MYH9: variants seen among roughly 807,000 people sequenced by gnomAD.
MYH9 encodes myosin heavy chain 9.
In MYH9, 29 loss-of-function variants were observed where a neutral mutation model predicts 241.9. That is an observed-to-expected ratio of 0.12 (90% CI 0.09 to 0.16). MYH9 has a LOEUF of 0.16. MYH9 is among the 10% of genes least tolerant of loss of function. The pLI is 1.00. For synonymous variants in MYH9, 1,047 were observed against 1,062.6 expected (o/e 0.99, Z 0.29); for missense variants, 1,803 against 2,595.5 (o/e 0.69, Z 6.63).
intron 31 of MYH9, among the ~76,000 whole-genome samples, chr22:36,291,396 C>T (rs28612394): frequency 1.8e-4 from 27 of 152,194 alleles, no homozygotes; most frequent in African/African-American, 6.3e-4. Flanking sequence ...CCTGTGCTCT[C>T]TGAAACATGT....
chr22:36,331,017 A>G (rs1008543329), intron 3 of MYH9, among the ~76,000 whole-genome samples: 2 of 152,006 alleles, frequency 1.3e-5, no homozygotes, highest in Admixed American at 6.6e-5. Context: ...AATCTTCCCA[A>G]ATTCCTGAGC....
intron 3 of MYH9, among the ~76,000 whole-genome samples, chr22:36,328,247 A>G (rs780212664): frequency 4.6e-5 from 7 of 152,216 alleles, no homozygotes; most frequent in Non-Finnish European, 8.8e-5. Flanking sequence ...CAACAGCTCT[A>G]TGAACTGCTC....
chr22:36,344,570 T>A (rs562700367), intron 2 of MYH9, among the ~76,000 whole-genome samples: 25 of 152,300 alleles, frequency 1.6e-4, no homozygotes, highest in Non-Finnish European at 3.4e-4. Context: ...AATGGGCCTC[T>A]TAGTGATGAT....
At chr22:36,342,139 C>T (rs778598203) in intron 2 of MYH9, among the ~76,000 whole-genome samples, 1 of 152,222 alleles carries the variant, frequency 6.6e-6, no homozygotes, top group Non-Finnish European at 1.5e-5. Flanking sequence ...TTTCACGTCC[C>T]CCGTGAGCCT....
chr22:36,358,158 C>A (rs136205), intron 1 of MYH9, among the ~76,000 whole-genome samples: 20 of 151,992 alleles, frequency 1.3e-4, no homozygotes, highest in Non-Finnish European at 2.6e-4. Context: ...TCCACCTCCC[C>A]GGTTCAAGCA....
chr22:36,323,996 T>C (rs73167632), intron 5 of MYH9, among the ~76,000 whole-genome samples: 3,503 of 152,276 alleles, frequency 0.023, 62 homozygotes, highest in Non-Finnish European at 0.033. Context: ...CAGACTTGGA[T>C]GAGAATGGCT....
intron 1 of MYH9, among the ~76,000 whole-genome samples, chr22:36,368,583 C>T (rs1196984854): frequency 2.6e-5 from 4 of 152,320 alleles, no homozygotes; most frequent in South Asian, 4.1e-4. Flanking sequence ...AGGGCCAAAG[C>T]ACCAGTATCT....
rs1417648620 is a variant in MYH9 at position 36,288,397 on chromosome 22, G to C, written c.4787C>G (p.Ala1596Gly). 3 of 1,610,866 alleles carry C rather than the reference G, an allele frequency of 1.9e-6. No individual in the cohort carries two copies. In the Admixed American group the frequency reaches 5.0e-5, roughly 27 times the overall value. Reference sequence around the variant, plus strand: ...CTGCTTCCTCTCGTCCTCCAGCTCTGCCTCCATCTCCCGCACCTGGGGGAA... The same window carrying C: ...CTGCTTCCTCTCGTCCTCCAGCTCTCCCTCCATCTCCCGCACCTGGGGGAA... ...QLVRQVREMEAELEDERKQRS... is the reference protein window; with the variant it reads ...QLVRQVREMEGELEDERKQRS... The change falls in exon 34 of 41, where the codon GCA becomes GGA. Residue 1596 changes from alanine (A) to glycine (G), a missense_variant. Coordinates refer to ENST00000216181, the MANE Select transcript of MYH9 (RefSeq NM_002473.6). This position sits in a 1 kb window ranked among gnomAD's most constrained non-coding sequence, Gnocchi z 4.8.
Position 36,305,830 on chromosome 22 carries a change from C to T in MYH9, c.2159+100G>A. ...TTCTACATGGATGGAGGACGTCGCT[C>T]CCTCACGACAGGATCCTGCCAGGGA... On this transcript the variant is annotated intron_variant, in intron 17 of 40. Transcript: ENST00000216181. The surrounding 1 kb of genome is among the most constrained non-coding windows in gnomAD (Gnocchi z 4.7). The T allele has an allele frequency of 1.3e-6, 2 of 1,549,638 alleles. No individual in the cohort carries two copies. The highest frequency in any genetic ancestry group is 1.8e-6 in the Non-Finnish European group (2 of 1,128,826).
intron 1 of MYH9, among the ~76,000 whole-genome samples, chr22:36,365,389 C>G (rs2017995649): frequency 6.6e-6 from 1 of 152,222 alleles, no homozygotes. Context: ...AGGAACCACC[C>G]TAAGTCAGGG....
chr22:36,300,718 A>C lies in MYH9; in HGVS notation c.2838+133T>G. 3 of 976,224 alleles carry C rather than the reference A, an allele frequency of 3.1e-6. No homozygotes were observed. The highest frequency in any genetic ancestry group is 5.2e-5 in the East Asian group (2 of 38,674). The allele number at this position is 976,224 out of a possible 1,614,324, so 60.5% of individuals were successfully genotyped here. A position where few individuals can be genotyped will look rare whatever the true frequency, so the allele number is the denominator to read the frequency against. On this transcript the variant is annotated intron_variant, in intron 22 of 40. Transcript: ENST00000216181. This position sits in a 1 kb window ranked among gnomAD's most constrained non-coding sequence, Gnocchi z 5.0. ...CCCAAAGGGAACACCTCTCACTGAGAGCCCCAAGCAGATTGCGTGAGGAGC... is the reference window on the plus strand; with the variant it reads ...CCCAAAGGGAACACCTCTCACTGAGCGCCCCAAGCAGATTGCGTGAGGAGC...
chr22:36,309,458 C>G (rs1569535492), intron 14 of MYH9, 62 bp from the exon 15 acceptor site: 3 of 1,263,404 alleles, frequency 2.4e-6, no homozygotes, highest in East Asian at 4.6e-5. Context: ...CTCACAGGGT[C>G]TCCGGAGCAC....
chr22:36,342,394 A>G (rs2017603678), intron 2 of MYH9, among the ~76,000 whole-genome samples: 1 of 152,192 alleles, frequency 6.6e-6, no homozygotes, highest in Admixed American at 6.5e-5. Context: ...TGAGGATTAA[A>G]TGAAGCACAT....
chr22:36,369,319 C>T (rs1055241643), intron 1 of MYH9, among the ~76,000 whole-genome samples: 2 of 152,184 alleles, frequency 1.3e-5, no homozygotes, highest in African/African-American at 4.8e-5. Flanking sequence ...CCACAGTGCT[C>T]GGCAGCAAGT....
chr22:36,384,625 T>A (rs1462593391), intron 1 of MYH9, among the ~76,000 whole-genome samples: 246 of 70,804 alleles, frequency 3.5e-3, no homozygotes, highest in Non-Finnish European at 5.3e-3. Flanking sequence ...TATATATATA[T>A]ATATATATAT....
At chr22:36,360,863 A>G (rs2017926072) in intron 1 of MYH9, among the ~76,000 whole-genome samples, 1 of 152,216 alleles carries the variant, frequency 6.6e-6, no homozygotes, top group South Asian at 2.1e-4. Flanking sequence ...GCTGGATTTG[A>G]GTCCAGCGAG....
intron 34 of MYH9, among the ~76,000 whole-genome samples, chr22:36,287,222 T>C (rs922547077): frequency 6.6e-6 from 1 of 152,228 alleles, no homozygotes; most frequent in Admixed American, 6.5e-5. Context: ...TTTCCTTTTG[T>C]TATTCTCCTG....
At chr22:36,287,392 C>T (rs1247540050) in intron 34 of MYH9, among the ~76,000 whole-genome samples, 1 of 152,174 alleles carries the variant, frequency 6.6e-6, no homozygotes, top group Non-Finnish European at 1.5e-5. Context: ...CATCTATGCC[C>T]ACAACCTTGA....
At chr22:36,326,511 CCAT>C (rs2017337991) in intron 5 of MYH9, 54 bp downstream of exon 5, 2 of 1,460,510 alleles carry the variant, frequency 1.4e-6, no homozygotes, top group African/African-American at 1.4e-5. Context: ...TGCTCTTCCT[CCAT>C]CATCCCACCA....
Sources: allele counts gnomAD v4.1 joint callset (sites outside exome capture counted in the v4.1 genomes callset), GRCh38; gene constraint gnomAD v4.1.1; non-coding constraint Gnocchi (gnomAD v3.1); transcripts MANE v1.5; gene names NCBI Gene and HGNC (gene_info 2026-07-23, HGNC 2026-07-21).